The following ANKS1B variants were observed in gnomAD, a reference collection of about 807,000 sequenced individuals.
ANKS1B encodes the protein ankyrin repeat and sterile alpha motif domain containing 1B.
A neutral mutation model predicts 148.3 loss-of-function variants in ANKS1B; 36 were observed. The ratio of observed to expected loss-of-function variants is 0.24; its 90% CI spans 0.19 to 0.32. The LOEUF (loss-of-function observed/expected upper bound fraction) is 0.32. Ranked by LOEUF, ANKS1B falls within the 10% of genes least tolerant of loss-of-function variation. The pLI, the probability that ANKS1B is intolerant of heterozygous loss-of-function variation, is 1.00. For missense variants in ANKS1B, 1,157 were observed against 1,542.6 expected (o/e 0.75, Z 4.19); for synonymous variants, 542 against 560.8 (o/e 0.97, Z 0.47).
At chr12:99,626,382 A>T (rs1414275541) in intron 9 of ANKS1B, among the ~76,000 whole-genome samples, 1 of 152,130 alleles carries the variant, frequency 6.6e-6, no homozygotes, top group South Asian at 2.1e-4. Flanking sequence ...ACAATGACAA[A>T]TTGCTCAAGT....
intron 1 of ANKS1B, among the ~76,000 whole-genome samples, chr12:99,885,992 T>C (rs1458297177): frequency 6.6e-6 from 1 of 152,240 alleles, no homozygotes; most frequent in Non-Finnish European, 1.5e-5. Flanking sequence ...ACATTTTCTG[T>C]ATCCATTCAT....
intron 12 of ANKS1B, among the ~76,000 whole-genome samples, chr12:99,262,829 A>G (rs2076066757): frequency 6.6e-6 from 1 of 152,050 alleles, no homozygotes; most frequent in Non-Finnish European, 1.5e-5. Flanking sequence ...CTCTCTTTTT[A>G]TAAAGTACAT....
exon 10 of ANKS1B, chr12:98,734,912 A>T: frequency 3.0e-6 from 1 of 335,804 alleles, no homozygotes; most frequent in East Asian, 4.4e-5. Context: ...GTATAACAAC[A>T]CACATCAGGT....
At chr12:99,663,024 A>G (rs1212102577) in intron 8 of ANKS1B, among the ~76,000 whole-genome samples, 1 of 152,156 alleles carries the variant, frequency 6.6e-6, no homozygotes, top group African/African-American at 2.4e-5. Context: ...CTTACATGAG[A>G]ACTATTATTT....
chr12:99,586,729 G>A (rs934573308), intron 9 of ANKS1B, among the ~76,000 whole-genome samples: 2 of 152,172 alleles, frequency 1.3e-5, no homozygotes, highest in African/African-American at 2.4e-5. Context: ...GGCTGGGGAG[G>A]CCTCACAATT....
chr12:99,578,921 G>A (rs1353440708), intron 9 of ANKS1B, among the ~76,000 whole-genome samples: 2 of 152,028 alleles, frequency 1.3e-5, no homozygotes, highest in Non-Finnish European at 2.9e-5. Flanking sequence ...AACAATGCCA[G>A]TGACATACAT....
chr12:99,778,656 A>G (rs899875488), intron 6 of ANKS1B, among the ~76,000 whole-genome samples: 1 of 152,180 alleles, frequency 6.6e-6, no homozygotes, highest in Non-Finnish European at 1.5e-5. Context: ...TAATTTATAT[A>G]AAAGGCTATG....
intron 17 of ANKS1B, among the ~76,000 whole-genome samples, chr12:98,898,801 C>G (rs375612029): frequency 6.6e-6 from 1 of 152,086 alleles, no homozygotes; most frequent in Non-Finnish European, 1.5e-5. Context: ...CAAAGTGAGA[C>G]AGTAGAAAAA....
chr12:99,559,372 G>A (rs895377157), intron 9 of ANKS1B, among the ~76,000 whole-genome samples: 1 of 152,242 alleles, frequency 6.6e-6, no homozygotes, highest in East Asian at 1.9e-4. Flanking sequence ...TTAAATCAAT[G>A]TTTATGTCAA....
At chr12:98,966,078 T>C (rs944579673) in intron 17 of ANKS1B, among the ~76,000 whole-genome samples, 11 of 152,156 alleles carry the variant, frequency 7.2e-5, no homozygotes, top group Non-Finnish European at 1.6e-4. Flanking sequence ...AGCTTCTGCA[T>C]GGCAAAAGAA....
intron 14 of ANKS1B, among the ~76,000 whole-genome samples, chr12:99,205,373 A>G (rs2082538864): frequency 6.6e-6 from 1 of 152,182 alleles, no homozygotes; most frequent in African/African-American, 2.4e-5. Flanking sequence ...ATTTTAGAGA[A>G]TGAGGTACTG....
rs192997068 is a variant in ANKS1B, at chr12:99,127,622, C to T, written c.2526+26667G>A. Reference sequence around the variant, plus strand: ...TCTGGGAAGGAAATCACTGGCAATACCAAATCTATAAGGAGTGCCTTAGAA... The same window carrying T: ...TCTGGGAAGGAAATCACTGGCAATATCAAATCTATAAGGAGTGCCTTAGAA... On this transcript the variant is annotated intron_variant, in intron 15 of 26. Coordinates refer to ENST00000683438, the MANE Select transcript of ANKS1B (RefSeq NM_001352186.2). Among the ~76,000 whole-genome samples the T allele has an allele frequency of 4.3e-3, 649 of 152,326 alleles. 6 individuals carry two copies. Among genetic ancestry groups the T allele is most frequent in the African/African-American group, 0.015 (615 of 41,564 alleles).
At position 99,496,056 on chromosome 12, in the gene ANKS1B, C is replaced by T. The variant is rs756950660; in HGVS notation, c.1438+8420G>A. 1.1e-3 allele frequency among the ~76,000 whole-genome samples: 168 copies of T among 146,966 alleles called. 1 individual carries two copies. Among genetic ancestry groups the T allele is most frequent in the Admixed American group, 2.0e-3 (29 of 14,708 alleles). On this transcript the variant is annotated intron_variant, in intron 10 of 26. Transcript: ENST00000683438. Reference sequence around the variant, plus strand: ...CCCACACTATCTTGGCATGCAGCTGCTGAATGTGTCCTTTTTTTATCAGAG... The same window carrying T: ...CCCACACTATCTTGGCATGCAGCTGTTGAATGTGTCCTTTTTTTATCAGAG...
At chr12:99,893,139 A>G (rs1468355358) in intron 1 of ANKS1B, among the ~76,000 whole-genome samples, 1 of 152,010 alleles carries the variant, frequency 6.6e-6, no homozygotes, top group African/African-American at 2.4e-5. Flanking sequence ...GGCCGGGTGC[A>G]GTGGCTCACA....
intron 12 of ANKS1B, among the ~76,000 whole-genome samples, chr12:99,265,359 C>T (rs2035881): frequency 0.88 from 134,621 of 152,154 alleles, 59,820 homozygotes; most frequent in East Asian, 1. Flanking sequence ...CTTCAGAATA[C>T]CTGGGGATGG....
intron 12 of ANKS1B, among the ~76,000 whole-genome samples, chr12:99,292,095 G>A (rs772656460): frequency 2.0e-5 from 3 of 152,220 alleles, no homozygotes; most frequent in Non-Finnish European, 4.4e-5. Flanking sequence ...ACATAGGCAT[G>A]GGCAAGGACT....
At chr12:99,808,198 T>C (rs1348506366) in intron 3 of ANKS1B, among the ~76,000 whole-genome samples, 2 of 151,854 alleles carry the variant, frequency 1.3e-5, no homozygotes, top group African/African-American at 4.8e-5. Flanking sequence ...AGATAGCTGT[T>C]CTGATGAAAA....
chr12:99,048,694 T>C (rs1475355864), intron 17 of ANKS1B: 2 of 152,586 alleles, frequency 1.3e-5, no homozygotes, highest in Non-Finnish European at 2.9e-5. Flanking sequence ...CTCCAGAACA[T>C]ATATGAAAGG....
intron 12 of ANKS1B, among the ~76,000 whole-genome samples, chr12:99,280,203 TGA>T (rs534368988): frequency 6.9e-4 from 104 of 150,952 alleles, no homozygotes; most frequent in African/African-American, 2.1e-3. Flanking sequence ...TGTGTGTGTG[TGA>T]GAGAGAGAGA....
Sources: allele counts gnomAD v4.1 joint callset (sites outside exome capture counted in the v4.1 genomes callset), GRCh38; gene constraint gnomAD v4.1.1; transcripts MANE v1.5; gene names NCBI Gene and HGNC (gene_info 2026-07-23, HGNC 2026-07-21).